The following PTBP2 variants were observed in gnomAD, a reference collection of about 807,000 sequenced individuals.
The protein encoded by PTBP2 is polypyrimidine tract binding protein 2, also known as polypyrimidine tract-binding protein 2.
PTBP2 carries 13 observed loss-of-function variants against 61.4 expected under a neutral mutation model. The ratio of observed to expected loss-of-function variants is 0.21; its 90% CI spans 0.14 to 0.34. The LOEUF is 0.34. Among genes scored for constraint, PTBP2 ranks in the 10% least tolerant of loss-of-function variants. PTBP2 has a pLI of 1.00. For synonymous variants in PTBP2, 215 were observed against 218.5 expected (o/e 0.98, Z 0.14); for missense variants, 405 against 642.6 (o/e 0.63, Z 4.00).
intron 3 of PTBP2, among the ~76,000 whole-genome samples, chr1:96,760,820 C>T (rs1253197790): frequency 1.3e-5 from 2 of 152,068 alleles, no homozygotes; most frequent in African/African-American, 4.8e-5. Flanking sequence ...GTTTTTTACC[C>T]AGTAAGAACA....
Position 96,808,293 on chromosome 1 carries a change from G to A in PTBP2, c.1171+1335G>A, listed in dbSNP as rs144984053. Among the ~76,000 whole-genome samples the A allele has an allele frequency of 3.5e-3, 535 of 152,124 alleles. 1 individual carries two copies. The highest frequency in any genetic ancestry group is 0.011 in the African/African-American group (476 of 41,498). On this transcript the variant is annotated intron_variant, in intron 11 of 13. Transcript: ENST00000674951. ...CAAAAATGTATTTCTTCAAAGTTTT[G>A]AGAAATAAAACTTTGGGGTCTAGAA...
At chr1:96,743,202 G>T (rs1321873023) in intron 2 of PTBP2, among the ~76,000 whole-genome samples, 1 of 151,796 alleles carries the variant, frequency 6.6e-6, no homozygotes, top group African/African-American at 2.4e-5. Flanking sequence ...CAGGAGAATG[G>T]TGTGAACCCG....
At chr1:96,817,697 C>A (rs1010607529), downstream of PTBP2, 1 of 152,040 alleles carries the variant, frequency 6.6e-6, no homozygotes, top group African/African-American at 2.4e-5. Context: ...GAACCTCTTT[C>A]TGATCTTAGT....
chr1:96,790,216 T>C (rs6683362), intron 8 of PTBP2, among the ~76,000 whole-genome samples: 88,054 of 151,864 alleles, frequency 0.58, 26,198 homozygotes, highest in African/African-American at 0.71. Flanking sequence ...CTATCTGCTG[T>C]GTTTCTTATA....
At chr1:96,780,922 C>A (rs1219360030) in intron 7 of PTBP2, among the ~76,000 whole-genome samples, 1 of 151,998 alleles carries the variant, frequency 6.6e-6, no homozygotes, top group Non-Finnish European at 1.5e-5. Flanking sequence ...CCTTTCCTTC[C>A]AACCTGTCAT....
chr1:96,752,598 A>G (rs12144961), intron 3 of PTBP2, among the ~76,000 whole-genome samples: 14,403 of 152,196 alleles, frequency 0.095, 940 homozygotes, highest in Non-Finnish European at 0.14. Context: ...TTGATAGTCA[A>G]AGTACCATGT....
chr1:96,762,825 G>A (rs1570842179), intron 3 of PTBP2, among the ~76,000 whole-genome samples: 1 of 151,458 alleles, frequency 6.6e-6, no homozygotes, highest in Admixed American at 6.6e-5. Context: ...TCTCAGATGG[G>A]GCGGCTGCTG....
chr1:96,799,121 A>G (rs1200907138), intron 8 of PTBP2, among the ~76,000 whole-genome samples: 1 of 152,134 alleles, frequency 6.6e-6, no homozygotes, highest in Non-Finnish European at 1.5e-5. Context: ...CAGAACTAAC[A>G]TGAGAATTTT....
chr1:96,752,754 G>C (rs1348993878), intron 3 of PTBP2, among the ~76,000 whole-genome samples: 1 of 152,068 alleles, frequency 6.6e-6, no homozygotes, highest in Non-Finnish European at 1.5e-5. Context: ...AGAGTAACTA[G>C]TAGCAGCCTT....
intron 11 of PTBP2, among the ~76,000 whole-genome samples, chr1:96,812,335 G>T (rs1480785784): frequency 6.6e-6 from 1 of 152,190 alleles, no homozygotes; most frequent in Non-Finnish European, 1.5e-5. Context: ...TCATGAATTT[G>T]AGGGACAATT....
chr1:96,801,751 C>T (rs1454027386), intron 8 of PTBP2, among the ~76,000 whole-genome samples: 1 of 151,176 alleles, frequency 6.6e-6, no homozygotes, highest in African/African-American at 2.4e-5. Flanking sequence ...GTCTCAGCTA[C>T]TCGAGATGCT....
At position 96,807,094 on chromosome 1, in the gene PTBP2, A is replaced by T. The variant is rs1661564522; in HGVS notation, c.1171+136A>T. On this transcript the variant is annotated intron_variant, in intron 11 of 13. Transcript: ENST00000674951. ...TGGCCAGGGCTCAAAATGTCATTTT[A>T]ATGTGAATAGTTGTATGTGACGAAC... The T allele has an allele frequency of 1.7e-5, 11 of 631,624 alleles. No individual in the cohort carries two copies. The South Asian group carries it at 2.2e-4, about 13-fold the overall frequency. 39.1% of individuals were successfully genotyped at this position (631,624 alleles called of 1,614,324 possible). A position where few individuals can be genotyped will look rare whatever the true frequency, so the allele number is the denominator to read the frequency against.
intron 8 of PTBP2, among the ~76,000 whole-genome samples, chr1:96,790,247 A>G (rs188695730): frequency 1.3e-5 from 2 of 150,938 alleles, no homozygotes; most frequent in African/African-American, 2.4e-5. Flanking sequence ...GTTAGTTCCA[A>G]AGGCTTGATA....
chr1:96,768,647 T>C (rs1657026215), intron 3 of PTBP2, among the ~76,000 whole-genome samples: 1 of 152,040 alleles, frequency 6.6e-6, no homozygotes, highest in African/African-American at 2.4e-5. Flanking sequence ...TTTTGAATAA[T>C]ATTTTTATTT....
intron 3 of PTBP2, among the ~76,000 whole-genome samples, 194 bp from the exon 4 acceptor site, chr1:96,769,509 T>C (rs2101008185): frequency 6.6e-6 from 1 of 152,010 alleles, no homozygotes; most frequent in East Asian, 1.9e-4. Flanking sequence ...GTTGATAATT[T>C]CATTTAATAA....
chr1:96,783,721 A>G (rs1658934456), intron 7 of PTBP2, among the ~76,000 whole-genome samples: 1 of 152,090 alleles, frequency 6.6e-6, no homozygotes, highest in African/African-American at 2.4e-5. Flanking sequence ...TAGGAATGCT[A>G]CATTAGTAAA....
At position 96,812,914 on chromosome 1, in the gene PTBP2, C is replaced by T; in HGVS notation, c.1374C>T (p.His458=). 1 of 1,611,950 alleles carries T rather than the reference C, an allele frequency of 6.2e-7. No homozygotes were observed. Among genetic ancestry groups the T allele is most frequent in the Non-Finnish European group, 8.5e-7 (1 of 1,178,128 alleles). Residue 458 remains histidine, a synonymous_variant, in exon 12 of 14, where the codon CAC becomes CAT. Transcript: ENST00000674951. ...TTTTTCCTCCTTCTGCCACCCTTCA[C>T]CTATCTAATATCCCGTAAGTATATA... The part of the protein sequence containing the change: ...QNIFPPSATL[H]LSNIPPSVAE...
At chr1:96,775,223 A>G (rs1657897839) in intron 5 of PTBP2, among the ~76,000 whole-genome samples, 1 of 152,224 alleles carries the variant, frequency 6.6e-6, no homozygotes, top group Non-Finnish European at 1.5e-5. Flanking sequence ...ACCATTTTTG[A>G]AAACTCGAAA....
intron 2 of PTBP2, among the ~76,000 whole-genome samples, chr1:96,733,052 T>A (rs76284895): frequency 0.022 from 3,306 of 151,596 alleles, 137 homozygotes; most frequent in African/African-American, 0.075. Context: ...AGCAAATTTA[T>A]TGTAACAACA....
Sources: gnomAD v4.1 joint callset for allele counts (sites outside exome capture counted in the v4.1 genomes callset) on GRCh38, gnomAD v4.1.1 for gene constraint, MANE v1.5 for transcripts, NCBI Gene and HGNC (gene_info 2026-07-23, HGNC 2026-07-21) for gene names.